ADAMTSL1: variants seen among roughly 807,000 people sequenced by gnomAD.
ADAMTSL1 encodes the protein ADAMTS-like protein 1.
Under a neutral mutation model 201.8 loss-of-function variants are expected in ADAMTSL1, and 126 were observed. The observed-to-expected ratio is 0.62, with a 90% CI of 0.54 to 0.72. The LOEUF (loss-of-function observed/expected upper bound fraction) is 0.72, where lower values mean the gene tolerates loss of function less well. Among genes scored for constraint, ADAMTSL1 ranks in the 30% least tolerant of loss-of-function variants. The pLI is 0.00. For missense variants in ADAMTSL1, 2,679 were observed against 2,277.8 expected (o/e 1.18, Z -3.59); for synonymous variants, 1,121 against 903.4 (o/e 1.24, Z -4.32).
At chr9:18,777,945 AGGGGCCACATCT>A (rs1821161864) in intron 19 of ADAMTSL1, 39 bp downstream of exon 19, 3 of 1,516,770 alleles carry the variant, frequency 2.0e-6, no homozygotes, top group African/African-American at 1.4e-5. Flanking sequence ...GAGGGAGGCA[AGGGGCCACATCT>A]GGCCCAAGTC....
intron 2 of ADAMTSL1, among the ~76,000 whole-genome samples, chr9:18,182,281 A>T (rs1472466986): frequency 6.6e-6 from 1 of 151,930 alleles, no homozygotes; most frequent in East Asian, 1.9e-4. Context: ...TAAAACTTAA[A>T]GTATAAAAAA....
intron 2 of ADAMTSL1, among the ~76,000 whole-genome samples, chr9:18,395,677 T>C (rs1237580353): frequency 6.6e-6 from 1 of 152,304 alleles, no homozygotes; most frequent in Non-Finnish European, 1.5e-5. Flanking sequence ...ATCATCCTTC[T>C]CAACTGCAAG....
At chr9:18,635,548 C>G (rs113489720) in intron 5 of ADAMTSL1, among the ~76,000 whole-genome samples, 240 of 152,262 alleles carry the variant, frequency 1.6e-3, no homozygotes, top group African/African-American at 5.6e-3. Flanking sequence ...CCAAGATACT[C>G]TGCTGGAGAG....
intron 2 of ADAMTSL1, among the ~76,000 whole-genome samples, chr9:18,521,622 T>C (rs1185434908): frequency 6.6e-6 from 1 of 152,112 alleles, no homozygotes; most frequent in Non-Finnish European, 1.5e-5. Context: ...ATAAGCATGG[T>C]TATCTGCAGA....
intron 13 of ADAMTSL1, among the ~76,000 whole-genome samples, chr9:18,691,703 G>A (rs1341337524): frequency 6.6e-6 from 1 of 152,102 alleles, no homozygotes; most frequent in South Asian, 2.1e-4. Flanking sequence ...CTAAAAGTGT[G>A]GGCCCCAGGG....
At chr9:18,315,938 T>C (rs1586881727) in intron 2 of ADAMTSL1, among the ~76,000 whole-genome samples, 2 of 152,134 alleles carry the variant, frequency 1.3e-5, no homozygotes, top group Non-Finnish European at 1.5e-5. Context: ...CCGATATTCA[T>C]GTAGGTTCTT....
At chr9:18,378,568 A>G (rs1329715160) in intron 2 of ADAMTSL1, among the ~76,000 whole-genome samples, 1 of 152,206 alleles carries the variant, frequency 6.6e-6, no homozygotes, top group African/African-American at 2.4e-5. Flanking sequence ...GTAGATCCAA[A>G]TAATTCCCCT....
chr9:18,574,374 G>C (rs780641182), intron 4 of ADAMTSL1, 108 bp downstream of exon 4: 6 of 1,027,086 alleles, frequency 5.8e-6, no homozygotes, highest in African/African-American at 4.8e-5. Flanking sequence ...ACACTTTTTA[G>C]AGTTTGTAAA....
intron 2 of ADAMTSL1, among the ~76,000 whole-genome samples, chr9:18,254,974 C>A (rs572756254): frequency 7.2e-5 from 11 of 151,976 alleles, no homozygotes; most frequent in Admixed American, 2.0e-4. Context: ...GTTTGATGAT[C>A]TATAGGTTAT....
chr9:18,247,203 G>T (rs1053777868), intron 2 of ADAMTSL1, among the ~76,000 whole-genome samples: 1 of 152,106 alleles, frequency 6.6e-6, no homozygotes, highest in African/African-American at 2.4e-5. Context: ...ATTATCCCAT[G>T]TCCTAATATT....
rs191434028 is a variant in ADAMTSL1 at position 18,059,707 on chromosome 9, C to T, written c.88-104155C>T. ...GCTCTTGACCTTGTACAATCTTACC[C>T]GGGAATGTTTGTGTATCCCATGTTT... On this transcript the variant is annotated intron_variant, in intron 1 of 29. Transcript: ENST00000680146. Among the ~76,000 whole-genome samples the T allele has an allele frequency of 4.6e-5, 7 of 152,178 alleles. No homozygotes were observed. The East Asian group carries it at 7.7e-4, about 17-fold the overall frequency.
intron 2 of ADAMTSL1, among the ~76,000 whole-genome samples, chr9:18,328,013 G>T (rs1225736794): frequency 6.6e-6 from 1 of 152,146 alleles, no homozygotes; most frequent in Non-Finnish European, 1.5e-5. Flanking sequence ...ATCCACACTG[G>T]AAAGCTTGAA....
At chr9:18,757,364 A>G (rs10811024) in intron 16 of ADAMTSL1, among the ~76,000 whole-genome samples, 24,643 of 152,016 alleles carry the variant, frequency 0.16, 2,104 homozygotes, top group East Asian at 0.31. Flanking sequence ...CACACCTCAT[A>G]AGGGATCATA....
Position 18,227,762 on chromosome 9 carries a change from C to T in ADAMTSL1, c.207+63781C>T, listed in dbSNP as rs191927367. 9.9e-4 allele frequency among the ~76,000 whole-genome samples: 151 copies of T among 152,272 alleles called. 6 individuals are homozygous for T. The South Asian group carries it at 0.027, about 28-fold the overall frequency. On this transcript the variant is annotated intron_variant, in intron 2 of 29. Transcript: ENST00000680146. ...GCCTGATCACTATCTCCTCAACTCCCCTAGTGCCTCATATGGTATTATGTT... is the reference window on the plus strand; with the variant it reads ...GCCTGATCACTATCTCCTCAACTCCTCTAGTGCCTCATATGGTATTATGTT...
At chr9:18,325,472 A>G (rs573247078) in intron 2 of ADAMTSL1, among the ~76,000 whole-genome samples, 3 of 152,246 alleles carry the variant, frequency 2.0e-5, no homozygotes, top group Non-Finnish European at 4.4e-5. Context: ...ATGTTGAGTG[A>G]AAGAAGTCAG....
At chr9:18,209,488 C>G (rs1292763294) in intron 2 of ADAMTSL1, among the ~76,000 whole-genome samples, 1 of 152,116 alleles carries the variant, frequency 6.6e-6, no homozygotes, top group Non-Finnish European at 1.5e-5. Context: ...GCAAACCCTG[C>G]CTAAACTCTG....
chr9:18,764,050 AC>A (rs1245409308), intron 16 of ADAMTSL1, among the ~76,000 whole-genome samples: 1 of 152,132 alleles, frequency 6.6e-6, no homozygotes, highest in African/African-American at 2.4e-5. Context: ...TGACATTTTG[AC>A]AGGGATTGCA....
intron 14 of ADAMTSL1, 149 bp from the exon 15 acceptor site, chr9:18,721,387 A>G (rs964204322): frequency 1.5e-5 from 16 of 1,079,474 alleles, no homozygotes; most frequent in Non-Finnish European, 2.0e-5. Context: ...CAAGATTGGC[A>G]GTCCTGGGCT....
intron 16 of ADAMTSL1, among the ~76,000 whole-genome samples, chr9:18,769,846 C>A (rs1820586922): frequency 1.3e-5 from 2 of 152,200 alleles, no homozygotes; most frequent in African/African-American, 4.8e-5. Flanking sequence ...AAGCTGGGGA[C>A]TCCTTTGCTC....
Sources: gnomAD v4.1 joint callset for allele counts (sites outside exome capture counted in the v4.1 genomes callset) on GRCh38, gnomAD v4.1.1 for gene constraint, MANE v1.5 for transcripts, NCBI Gene and HGNC (gene_info 2026-07-23, HGNC 2026-07-21) for gene names.